The following C1orf21 variants were observed in gnomAD, a reference collection of about 807,000 sequenced individuals.
The protein encoded by C1orf21 is uncharacterized protein C1orf21.
In C1orf21, 3 loss-of-function variants were observed where a neutral mutation model predicts 18.7. That is an observed-to-expected ratio of 0.16 (90% CI 0.07 to 0.42). C1orf21 has a LOEUF of 0.42. C1orf21 is among the 10% of genes least tolerant of loss of function. The pLI is 0.99. For missense variants in C1orf21, 104 were observed against 143.6 expected (o/e 0.72, Z 1.41); for synonymous variants, 41 against 46.4 (o/e 0.88, Z 0.47).
intron 3 of C1orf21, among the ~76,000 whole-genome samples, chr1:184,546,454 C>T (rs1186548141): frequency 6.6e-6 from 1 of 152,074 alleles, no homozygotes. Flanking sequence ...CAAAAAAATG[C>T]ATTTAGCATC....
chr1:184,546,858 G>A (rs1407021407), intron 3 of C1orf21, among the ~76,000 whole-genome samples: 1 of 152,206 alleles, frequency 6.6e-6, no homozygotes, highest in South Asian at 2.1e-4. Flanking sequence ...CAGCACTAAG[G>A]TGCATGGCTT....
chr1:184,442,609 C>A (rs1378666131), intron 1 of C1orf21, among the ~76,000 whole-genome samples: 1 of 152,048 alleles, frequency 6.6e-6, no homozygotes, highest in Non-Finnish European at 1.5e-5. Context: ...ATCAGTTTGG[C>A]TCCAATCTTA....
chr1:184,616,330 C>G (rs1261023224), intron 5 of C1orf21, among the ~76,000 whole-genome samples: 2 of 152,372 alleles, frequency 1.3e-5, no homozygotes, highest in African/African-American at 4.8e-5. Flanking sequence ...TGTGGGCTTG[C>G]GCTTCTCTGA....
intron 3 of C1orf21, among the ~76,000 whole-genome samples, chr1:184,512,096 T>A (rs1365114891): frequency 6.6e-6 from 1 of 152,160 alleles, no homozygotes; most frequent in Non-Finnish European, 1.5e-5. Context: ...TTCAAGGCCC[T>A]CCCTAGGTGG....
chr1:184,607,759 A>T (rs12075202), intron 5 of C1orf21, among the ~76,000 whole-genome samples: 34,283 of 150,908 alleles, frequency 0.23, 5,018 homozygotes, highest in African/African-American at 0.42. Flanking sequence ...ATATATATAC[A>T]TATATAGAGA....
chr1:184,395,061 C>T (rs1179686438), intron 1 of C1orf21, among the ~76,000 whole-genome samples: 3 of 152,188 alleles, frequency 2.0e-5, no homozygotes, highest in Non-Finnish European at 4.4e-5. Flanking sequence ...TCAAATCTCA[C>T]TTCAAATCCC....
At chr1:184,474,878 G>C (rs1359110998) in intron 1 of C1orf21, among the ~76,000 whole-genome samples, 12 of 152,166 alleles carry the variant, frequency 7.9e-5, no homozygotes, top group Admixed American at 7.9e-4. Context: ...GCCCACGCCT[G>C]TTACCTTACG....
intron 1 of C1orf21, among the ~76,000 whole-genome samples, chr1:184,464,985 G>A (rs764867569): frequency 3.9e-5 from 6 of 152,126 alleles, no homozygotes; most frequent in Non-Finnish European, 8.8e-5. Flanking sequence ...TGCCCAGGCT[G>A]ATCAGGAACT....
intron 2 of C1orf21, among the ~76,000 whole-genome samples, chr1:184,505,253 C>T (rs1217768697): frequency 6.8e-6 from 1 of 147,936 alleles, no homozygotes; most frequent in Non-Finnish European, 1.5e-5. Flanking sequence ...AAATGTTACC[C>T]TCTTCCCCAT....
intron 2 of C1orf21, among the ~76,000 whole-genome samples, chr1:184,479,613 C>CTTTTTTTTT (rs55840285): frequency 3.2e-5 from 2 of 62,214 alleles, no homozygotes; most frequent in Non-Finnish European, 5.8e-5. Flanking sequence ...TCCCATAGGT[C>CTTTTTTTTT]TTTTTTTTTT....
Position 184,488,571 on chromosome 1 carries a change from A to C in C1orf21, c.94+10968A>C, listed in dbSNP as rs893074825. On this transcript the variant is annotated intron_variant, in intron 2 of 5. Transcript: ENST00000235307. ...TCAATTCACATTTTATTCTTTGAAG[A>C]TATTCTGTTATTTGTGATTATAATA... Among the ~76,000 whole-genome samples, 101 of 152,348 alleles carry C rather than the reference A, an allele frequency of 6.6e-4. 1 individual carries two copies. Among genetic ancestry groups the C allele is most frequent in the African/African-American group, 2.4e-3 (101 of 41,582 alleles).
intron 3 of C1orf21, among the ~76,000 whole-genome samples, chr1:184,571,383 C>A (rs1259380591): frequency 6.6e-6 from 1 of 151,822 alleles, no homozygotes; most frequent in Non-Finnish European, 1.5e-5. Context: ...TGCAGTTCAT[C>A]GGTGACCAAA....
intron 1 of C1orf21, among the ~76,000 whole-genome samples, chr1:184,464,356 G>C (rs749959174): frequency 6.6e-6 from 1 of 152,188 alleles, no homozygotes; most frequent in African/African-American, 2.4e-5. Flanking sequence ...TAATTATGGG[G>C]TGTGCTGGGA....
intron 1 of C1orf21, among the ~76,000 whole-genome samples, chr1:184,452,628 G>A (rs1366444671): frequency 1.3e-5 from 2 of 152,208 alleles, no homozygotes; most frequent in Non-Finnish European, 2.9e-5. Flanking sequence ...CAGTACATCT[G>A]TGTGGTCAAT....
intron 2 of C1orf21, among the ~76,000 whole-genome samples, chr1:184,501,382 G>T (rs867274127): frequency 6.6e-5 from 10 of 152,064 alleles, no homozygotes; most frequent in Admixed American, 3.3e-4. Flanking sequence ...TTGCCCGAAA[G>T]CTCCTTCCCA....
At chr1:184,478,391 C>A (rs928592324) in intron 2 of C1orf21, among the ~76,000 whole-genome samples, 4 of 152,044 alleles carry the variant, frequency 2.6e-5, no homozygotes, top group African/African-American at 9.7e-5. Context: ...CACACCTGGT[C>A]TGCAAATACA....
intron 1 of C1orf21, among the ~76,000 whole-genome samples, chr1:184,398,396 C>T (rs1396585391): frequency 6.6e-6 from 1 of 152,160 alleles, no homozygotes; most frequent in Non-Finnish European, 1.5e-5. Context: ...AGCGCTCCTA[C>T]TTTAAAGTCA....
chr1:184,559,246 C>T (rs1658918499), intron 3 of C1orf21, among the ~76,000 whole-genome samples: 1 of 152,016 alleles, frequency 6.6e-6, no homozygotes, highest in Non-Finnish European at 1.5e-5. Flanking sequence ...GATCTGGTCA[C>T]TTAAAAGTGT....
chr1:184,530,953 TA>T (rs1658454265), intron 3 of C1orf21, among the ~76,000 whole-genome samples: 1 of 152,148 alleles, frequency 6.6e-6, no homozygotes, highest in Non-Finnish European at 1.5e-5. Flanking sequence ...TACGGCCATT[TA>T]AATATTATGT....
Sources: gnomAD v4.1 joint callset for allele counts (sites outside exome capture counted in the v4.1 genomes callset) on GRCh38, gnomAD v4.1.1 for gene constraint, MANE v1.5 for transcripts, NCBI Gene and HGNC (gene_info 2026-07-23, HGNC 2026-07-21) for gene names.